The following DLG2 variants were observed in gnomAD, a reference collection of about 807,000 sequenced individuals.
The protein encoded by DLG2 is disks large homolog 2.
In DLG2, 45 loss-of-function variants were observed where a neutral mutation model predicts 132.5. The ratio of observed to expected loss-of-function variants is 0.34; its 90% CI spans 0.27 to 0.44. DLG2 has a LOEUF of 0.44. Ranked by LOEUF, DLG2 falls within the 20% of genes least tolerant of loss-of-function variation. DLG2 has a pLI of 1.00. For synonymous variants in DLG2, 424 were observed against 419.6 expected, an observed-to-expected ratio of 1.01 and a Z score of -0.13; for missense variants, 1,045 against 1,196.9, an observed-to-expected ratio of 0.87 and a Z score of 1.87.
At chr11:83,894,925 A>AT (rs2071125994) in intron 15 of DLG2, among the ~76,000 whole-genome samples, 1 of 152,060 alleles carries the variant, frequency 6.6e-6, no homozygotes, top group Non-Finnish European at 1.5e-5. Flanking sequence ...TATTTTATTT[A>AT]AATAATTACC....
At chr11:84,636,167 T>C (rs1366193843) in intron 6 of DLG2, among the ~76,000 whole-genome samples, 1 of 152,126 alleles carries the variant, frequency 6.6e-6, no homozygotes, top group Non-Finnish European at 1.5e-5. Flanking sequence ...GTGAAACAAA[T>C]GTATAGTCAC....
At chr11:85,528,718 GC>G (rs1185694580) in intron 3 of DLG2, among the ~76,000 whole-genome samples, 1 of 152,170 alleles carries the variant, frequency 6.6e-6, no homozygotes, top group East Asian at 1.9e-4. Flanking sequence ...ATTGCACAGG[GC>G]CTTGGACTTA....
chr11:84,913,720 C>A (rs35580263), intron 6 of DLG2, among the ~76,000 whole-genome samples: 1 of 152,044 alleles, frequency 6.6e-6, no homozygotes, highest in African/African-American at 2.4e-5. Context: ...AAGAAGTATA[C>A]ATTTTTGTCA....
chr11:83,884,486 T>G (rs2067234248), intron 15 of DLG2, among the ~76,000 whole-genome samples: 1 of 152,144 alleles, frequency 6.6e-6, no homozygotes, highest in Admixed American at 6.5e-5. Context: ...GGAGGCCTGC[T>G]TGCCTCTGTA....
chr11:85,541,908 T>C (rs1043694608), intron 3 of DLG2, among the ~76,000 whole-genome samples: 4 of 152,182 alleles, frequency 2.6e-5, no homozygotes, highest in Admixed American at 2.0e-4. Flanking sequence ...ATTTGTGTTA[T>C]TCCTGTCTCT....
intron 9 of DLG2, among the ~76,000 whole-genome samples, chr11:84,158,983 T>C (rs2095489499): frequency 6.6e-6 from 1 of 152,198 alleles, no homozygotes; most frequent in Admixed American, 6.5e-5. Context: ...TTTAGCCTCA[T>C]TTTCAGATGT....
intron 3 of DLG2, among the ~76,000 whole-genome samples, chr11:85,437,744 A>G (rs999794103): frequency 3.3e-5 from 5 of 152,166 alleles, no homozygotes; most frequent in Admixed American, 1.3e-4. Context: ...TGGAACTAAT[A>G]TAAGTTAATT....
intron 8 of DLG2, among the ~76,000 whole-genome samples, chr11:84,229,219 T>C (rs1215321180): frequency 6.6e-6 from 1 of 152,166 alleles, no homozygotes; most frequent in African/African-American, 2.4e-5. Context: ...TGCTGGCAGG[T>C]ATCCCTGTAA....
intron 8 of DLG2, among the ~76,000 whole-genome samples, chr11:84,195,932 A>G (rs554055257): frequency 5.3e-5 from 8 of 152,192 alleles, no homozygotes; most frequent in Non-Finnish European, 1.0e-4. Context: ...TAATTCTAGG[A>G]CATAGAACTC....
At chr11:83,656,329 C>T (rs546502039) in intron 18 of DLG2, among the ~76,000 whole-genome samples, 1 of 152,206 alleles carries the variant, frequency 6.6e-6, no homozygotes, top group South Asian at 2.1e-4. Flanking sequence ...CAAGAACTGT[C>T]TTAGAGCCTC....
intron 18 of DLG2, among the ~76,000 whole-genome samples, chr11:83,643,164 G>A (rs2067080834): frequency 6.6e-6 from 1 of 151,670 alleles, no homozygotes; most frequent in East Asian, 1.9e-4. Context: ...TACCAATGCA[G>A]TTTTTTAAAA....
intron 6 of DLG2, among the ~76,000 whole-genome samples, chr11:84,885,984 T>C (rs999986353): frequency 6.6e-6 from 1 of 152,034 alleles, no homozygotes; most frequent in African/African-American, 2.4e-5. Flanking sequence ...AGGTATTGCA[T>C]TGGGTTCAGG....
chr11:85,494,401 C>T (rs1302041835), intron 3 of DLG2, among the ~76,000 whole-genome samples: 3 of 152,150 alleles, frequency 2.0e-5, no homozygotes, highest in South Asian at 4.2e-4. Context: ...ATATTTACAG[C>T]CCAAAATCTT....
chr11:84,953,670 A>G (rs2051246595), intron 6 of DLG2, among the ~76,000 whole-genome samples: 2 of 152,272 alleles, frequency 1.3e-5, no homozygotes, highest in Middle Eastern at 6.8e-3. Context: ...GGCATATGGT[A>G]TTCTTCTTTT....
At chr11:83,485,366 A>ATAAG (rs1169939417) in intron 21 of DLG2, among the ~76,000 whole-genome samples, 1 of 152,134 alleles carries the variant, frequency 6.6e-6, no homozygotes, top group African/African-American at 2.4e-5. Context: ...CAGTCATTTT[A>ATAAG]TAAGTTATTG....
chr11:83,493,381 TTC>T (rs2093977876), intron 21 of DLG2, among the ~76,000 whole-genome samples: 6 of 95,524 alleles, frequency 6.3e-5, no homozygotes, highest in Non-Finnish European at 1.4e-4. Flanking sequence ...CCTTCCTTCC[TTC>T]CTTCCTTCCT....
At chr11:85,525,139 G>A (rs1235481989) in intron 3 of DLG2, 2 of 152,098 alleles carry the variant, frequency 1.3e-5, no homozygotes, top group African/African-American at 4.8e-5. Context: ...AATAGTTAAT[G>A]TAATTTACCA....
intron 6 of DLG2, among the ~76,000 whole-genome samples, chr11:85,053,921 C>A (rs1228968616): frequency 6.6e-6 from 1 of 151,286 alleles, no homozygotes; most frequent in Non-Finnish European, 1.5e-5. Flanking sequence ...ATTCATTTAT[C>A]TTCCTAGTAA....
At chr11:83,881,017 C>T (rs1369478725) in intron 15 of DLG2, among the ~76,000 whole-genome samples, 1 of 144,992 alleles carries the variant, frequency 6.9e-6, no homozygotes, top group Non-Finnish European at 1.5e-5. Flanking sequence ...TAAGTTGGTG[C>T]AAAAGTAATA....
Sources: gnomAD v4.1 joint callset for allele counts (sites outside exome capture counted in the v4.1 genomes callset) on GRCh38, gnomAD v4.1.1 for gene constraint, MANE v1.5 for transcripts, NCBI Gene and HGNC (gene_info 2026-07-23, HGNC 2026-07-21) for gene names.